PTPN13: variants seen among roughly 807,000 people sequenced by gnomAD.
PTPN13 encodes the protein tyrosine-protein phosphatase non-receptor type 13.
PTPN13 carries 191 observed loss-of-function variants against 284.0 expected under a neutral mutation model. The ratio of observed to expected loss-of-function variants is 0.67; its 90% CI spans 0.60 to 0.76. The LOEUF (loss-of-function observed/expected upper bound fraction) is 0.76, where lower values mean the gene tolerates loss of function less well. Ranked by LOEUF, PTPN13 falls within the 30% of genes least tolerant of loss-of-function variation. The probability of loss-of-function intolerance (pLI) is 0.00; values close to 1 mark genes in which losing one functional copy is unlikely to be tolerated. For missense variants in PTPN13, 2,797 were observed against 2,939.9 expected (o/e 0.95, Z 1.12); for synonymous variants, 986 against 1,022.3 (o/e 0.96, Z 0.68).
chr4:86,668,378 C>T (rs1266748439), intron 2 of PTPN13, among the ~76,000 whole-genome samples: 1 of 152,070 alleles, frequency 6.6e-6, no homozygotes, highest in Non-Finnish European at 1.5e-5. Context: ...ACTCTAAATT[C>T]CCTCACTTGC....
At chr4:86,775,677 T>C (rs752974017) in intron 35 of PTPN13, 25 bp downstream of exon 35, 2 of 1,557,314 alleles carry the variant, frequency 1.3e-6, no homozygotes, top group Admixed American at 3.5e-5. Context: ...TTTATGAGTT[T>C]TGATTGTGCG....
At chr4:86,638,915 G>T (rs1210058775) in intron 2 of PTPN13, among the ~76,000 whole-genome samples, 10 of 152,076 alleles carry the variant, frequency 6.6e-5, no homozygotes, top group African/African-American at 1.4e-4. Context: ...GGGAGAAAAT[G>T]TTCGCAACCT....
intron 6 of PTPN13, among the ~76,000 whole-genome samples, chr4:86,699,387 C>G (rs1422424512): frequency 1.3e-5 from 2 of 151,326 alleles, no homozygotes; most frequent in African/African-American, 2.4e-5. Context: ...CTCTATCCCC[C>G]CTCCAAAAAA....
intron 1 of PTPN13, among the ~76,000 whole-genome samples, chr4:86,597,561 C>A (rs763885195): frequency 5.3e-5 from 8 of 152,178 alleles, no homozygotes; most frequent in Non-Finnish European, 1.2e-4. Context: ...TCAAAACTCC[C>A]GTCTGTAAAC....
intron 1 of PTPN13, among the ~76,000 whole-genome samples, chr4:86,613,406 C>T (rs1006890533): frequency 1.3e-5 from 2 of 151,992 alleles, no homozygotes; most frequent in Admixed American, 6.6e-5. Flanking sequence ...GAGGCCGAGG[C>T]GGGCAGATCA....
At position 86,691,774 on chromosome 4, in the gene PTPN13, A is replaced by G. The variant is rs150875835; in HGVS notation, c.547-1813A>G. On this transcript the variant is annotated intron_variant, in intron 5 of 47. Transcript: ENST00000411767. ...ACTGGGGTGTTTTTGACCCCAGTAT[A>G]TTCCTTAAAGCTTTTGTTGCCTCCA... is the stretch of plus-strand genomic sequence containing the variant. Among the ~76,000 whole-genome samples, 174 of 152,250 alleles carry G rather than the reference A, an allele frequency of 1.1e-3. 2 individuals carry two copies. The highest frequency in any genetic ancestry group is 4.0e-3 in the African/African-American group (167 of 41,554).
chr4:86,781,541 T>G (rs1220082954), intron 36 of PTPN13, among the ~76,000 whole-genome samples: 1 of 152,230 alleles, frequency 6.6e-6, no homozygotes, highest in Non-Finnish European at 1.5e-5. Flanking sequence ...TTTAAAAAGC[T>G]TACTACCTTC....
intron 40 of PTPN13, among the ~76,000 whole-genome samples, chr4:86,786,870 G>T (rs370858823): frequency 6.6e-6 from 1 of 152,086 alleles, no homozygotes; most frequent in African/African-American, 2.4e-5. Flanking sequence ...TTGGAAGGCC[G>T]AGGAGGGCAG....
At chr4:86,793,263 C>G (rs187867083) in intron 40 of PTPN13, among the ~76,000 whole-genome samples, 136 of 151,904 alleles carry the variant, frequency 9.0e-4, no homozygotes, top group African/African-American at 2.5e-3. Flanking sequence ...GACAAGGCCA[C>G]TATATAATGG....
rs376587143 is a variant in PTPN13, at chr4:86,807,775, C to A, written c.6961C>A (p.Arg2321Ser). 2 of 1,613,988 alleles carry A rather than the reference C, an allele frequency of 1.2e-6. No homozygotes were observed. The highest frequency in any genetic ancestry group is 4.5e-5 in the East Asian group (2 of 44,884). ...AGAAGGAGAAAAAATCAAATGCCAG[C>A]GCTATTGGCCCAACATCCTAGGCAA... ...EVEGEKIKCQ[R>S]YWPNILGKTT... is the part of the protein sequence containing the mutation. The change falls in exon 45 of 48, where the codon CGC (arginine) becomes AGC (serine). Residue 2321 changes from arginine to serine, a missense_variant. By Grantham distance (110) the Arg-to-Ser change is moderately radical (BLOSUM62 -1). Transcript: ENST00000411767.
At chr4:86,771,139 G>GTC (rs1565535158) in intron 30 of PTPN13, 32 bp from the exon 31 acceptor site, 1 of 1,529,018 alleles carries the variant, frequency 6.5e-7, no homozygotes, top group East Asian at 2.3e-5. Flanking sequence ...TCATAGAATG[G>GTC]TCACAAATCT....
intron 20 of PTPN13, 44 bp from the exon 21 acceptor site, chr4:86,758,216 C>T (rs1418924922): frequency 2.2e-6 from 3 of 1,352,688 alleles, no homozygotes; most frequent in African/African-American, 2.9e-5. Context: ...AGTCTTAATG[C>T]CTGAGCATGT....
chr4:86,785,320 C>T lies in PTPN13; in HGVS notation c.6208C>T (p.Gln2070Ter). ...GCTGGATGTTGTGGATGAGGAAGCCCAGAATCTTTTAAACGAAAATAATGC... is the reference window on the plus strand; with the variant it reads ...GCTGGATGTTGTGGATGAGGAAGCCTAGAATCTTTTAAACGAAAATAATGC... ...SLLDVVDEEAQNLLNENNAAG... is the reference protein window; with the variant it reads ...SLLDVVDEEA The change falls in exon 39 of 48, where the codon CAG becomes TAG. Residue 2070 changes from glutamine to a stop codon, truncating the protein, a stop_gained. Transcript: ENST00000411767. LOFTEE classifies it high-confidence loss of function. 1 of 1,611,144 alleles carries T rather than the reference C, an allele frequency of 6.2e-7. No homozygotes were observed. The highest frequency in any genetic ancestry group is 8.5e-7 in the Non-Finnish European group (1 of 1,178,274).
chr4:86,677,534 C>T (rs555696850), intron 3 of PTPN13, among the ~76,000 whole-genome samples: 3 of 151,364 alleles, frequency 2.0e-5, no homozygotes, highest in African/African-American at 7.3e-5. Context: ...AGGATGGTCT[C>T]GATCGCTTGA....
chr4:86,787,461 A>G (rs1235023464), intron 40 of PTPN13, among the ~76,000 whole-genome samples: 1 of 151,714 alleles, frequency 6.6e-6, no homozygotes, highest in African/African-American at 2.4e-5. Context: ...GCAAGGTGGT[A>G]CATGCCTGTA....
At chr4:86,704,653 T>C (rs565858840) in intron 7 of PTPN13, among the ~76,000 whole-genome samples, 2 of 152,326 alleles carry the variant, frequency 1.3e-5, no homozygotes, top group East Asian at 1.9e-4. Flanking sequence ...GTATTTGTTA[T>C]AGGATGCACA....
At chr4:86,613,491 G>A (rs979733323) in intron 1 of PTPN13, among the ~76,000 whole-genome samples, 5 of 152,144 alleles carry the variant, frequency 3.3e-5, no homozygotes, top group African/African-American at 9.6e-5. Flanking sequence ...AAAGTTAGCC[G>A]GGCGTGGTGA....
At chr4:86,802,094 A>G (rs1162370276) in intron 42 of PTPN13, among the ~76,000 whole-genome samples, 2 of 151,780 alleles carry the variant, frequency 1.3e-5, no homozygotes, top group African/African-American at 4.8e-5. Flanking sequence ...CAATTTTTTC[A>G]TCTTTTCCCA....
chr4:86,767,953 A>G lies in PTPN13; in HGVS notation c.4466A>G (p.Lys1489Arg), dbSNP rs1391670907. ...AAAGTGAAGAAAACAACTCAGGTCA[A>G]AGACTACAGCTTTGTCACTGAAGGT... ...PEKVKKTTQV[K>R]DYSFVTEENT... Residue 1489 changes from lysine (K) to arginine (R), a missense_variant, in exon 28 of 48, where the codon AAA becomes AGA. Lys to Arg is a conservative substitution (Grantham distance 26). Coordinates refer to ENST00000411767, the MANE Select transcript of PTPN13 (RefSeq NM_080683.3). 2 of 1,611,856 alleles carry G rather than the reference A, an allele frequency of 1.2e-6. No individual in the cohort carries two copies. Among genetic ancestry groups the G allele is most frequent in the African/African-American group, 2.7e-5 (2 of 75,002 alleles).
Sources: gnomAD v4.1 joint callset for allele counts (sites outside exome capture counted in the v4.1 genomes callset) on GRCh38, gnomAD v4.1.1 for gene constraint, MANE v1.5 for transcripts, NCBI Gene and HGNC (gene_info 2026-07-23, HGNC 2026-07-21) for gene names.